Variants in PALM2AKAP2 observed in about 807,000 individuals in gnomAD.
PALM2AKAP2 encodes the protein PALM2-AKAP2 fusion protein.
In PALM2AKAP2, 37 loss-of-function variants were observed where a neutral mutation model predicts 71.5. The observed-to-expected ratio is 0.52, with a 90% CI of 0.40 to 0.68. The LOEUF (loss-of-function observed/expected upper bound fraction) is 0.68, where lower values mean the gene tolerates loss of function less well. Ranked by LOEUF, PALM2AKAP2 falls within the 30% of genes least tolerant of loss-of-function variation. The pLI is 0.00. For missense variants in PALM2AKAP2, 1,224 were observed against 1,191.8 expected (o/e 1.03, Z -0.40); for synonymous variants, 468 against 478.8 (o/e 0.98, Z 0.29).
In PALM2AKAP2 at chr9:110,120,077, TATG is replaced by T. The variant is rs982284487; in HGVS notation, c.157-16047_157-16045del. ...GCATCATTTCAGGTTGTCATGCAATTATGATAAATATCCTTTTCACAGGTTGCA... is the reference window on the plus strand; with the variant it reads ...GCATCATTTCAGGTTGTCATGCAATTATAAATATCCTTTTCACAGGTTGCA... On this transcript the variant is annotated intron_variant, in intron 1 of 3. Transcript: ENST00000374525. Among the ~76,000 whole-genome samples the T allele has an allele frequency of 4.1e-4, 62 of 152,362 alleles. 2 individuals carry two copies. The highest frequency in any genetic ancestry group is 1.3e-3 in the African/African-American group (56 of 41,578).
At chr9:110,156,075 T>C (rs1836447369) in intron 2 of PALM2AKAP2, among the ~76,000 whole-genome samples, 1 of 152,208 alleles carries the variant, frequency 6.6e-6, no homozygotes, top group Non-Finnish European at 1.5e-5. Flanking sequence ...GCAAAATGCG[T>C]GCTGTGCCTG....
chr9:109,925,038 C>T, intron 4 of PALM2AKAP2, 23 bp from the exon 5 acceptor site: 1 of 1,614,134 alleles, frequency 6.2e-7, no homozygotes, highest in Non-Finnish European at 8.5e-7. Context: ...GAGTAACGCT[C>T]TGCCTTGTTT....
intron 2 of PALM2AKAP2, among the ~76,000 whole-genome samples, chr9:110,142,223 C>T (rs944571381): frequency 6.6e-6 from 1 of 151,986 alleles, no homozygotes; most frequent in Non-Finnish European, 1.5e-5. Context: ...AGGTGTCCAT[C>T]ACCATGCCCA....
chr9:109,907,085 CTCT>C (rs766706814), intron 3 of PALM2AKAP2, among the ~76,000 whole-genome samples: 15 of 152,170 alleles, frequency 9.9e-5, no homozygotes, highest in Non-Finnish European at 1.8e-4. Context: ...GATCATTTTT[CTCT>C]TCAAGATCCT....
intron 6 of PALM2AKAP2, among the ~76,000 whole-genome samples, chr9:109,960,684 G>A (rs1831837950): frequency 6.6e-6 from 1 of 152,058 alleles, no homozygotes; most frequent in African/African-American, 2.4e-5. Flanking sequence ...GGAGAGGAGG[G>A]GACAGGAGCC....
chr9:110,152,982 G>A (rs1175972153), intron 2 of PALM2AKAP2, among the ~76,000 whole-genome samples: 1 of 152,090 alleles, frequency 6.6e-6, no homozygotes, highest in African/African-American at 2.4e-5. Flanking sequence ...CTCCTAAGGG[G>A]GTAGATAGAA....
At chr9:109,891,897 A>G (rs4978855) in intron 3 of PALM2AKAP2, among the ~76,000 whole-genome samples, 16,090 of 152,202 alleles carry the variant, frequency 0.11, 1,056 homozygotes, top group East Asian at 0.22. Flanking sequence ...AGTCCAGGTA[A>G]AACTCCCTGG....
intron 3 of PALM2AKAP2, among the ~76,000 whole-genome samples, chr9:110,163,841 A>G (rs917170143): frequency 5.3e-5 from 8 of 152,126 alleles, no homozygotes; most frequent in African/African-American, 1.7e-4. Flanking sequence ...GCTTTTATGA[A>G]TGTTATTATA....
intron 6 of PALM2AKAP2, among the ~76,000 whole-genome samples, chr9:109,984,160 A>G (rs1832330252): frequency 6.6e-6 from 1 of 152,216 alleles, no homozygotes; most frequent in Non-Finnish European, 1.5e-5. Flanking sequence ...TATATTTTTA[A>G]TAATACTATT....
intron 1 of PALM2AKAP2, among the ~76,000 whole-genome samples, chr9:110,125,857 A>G (rs557520689): frequency 2.6e-5 from 4 of 151,832 alleles, no homozygotes; most frequent in Admixed American, 1.3e-4. Flanking sequence ...TCCTGCACAT[A>G]TAGTGCAAAG....
chr9:110,102,024 G>A (rs1835012192), intron 1 of PALM2AKAP2, among the ~76,000 whole-genome samples: 1 of 152,180 alleles, frequency 6.6e-6, no homozygotes, highest in Admixed American at 6.5e-5. Context: ...GACACTCCAA[G>A]GACCACACTC....
At chr9:109,748,534 A>G (rs1019135967) in intron 1 of PALM2AKAP2, among the ~76,000 whole-genome samples, 4 of 152,228 alleles carry the variant, frequency 2.6e-5, no homozygotes, top group Non-Finnish European at 5.9e-5. Context: ...ATAATGTGTG[A>G]TGCTAACATC....
intron 1 of PALM2AKAP2, among the ~76,000 whole-genome samples, chr9:109,825,454 A>G (rs1828121277): frequency 6.6e-6 from 1 of 152,254 alleles, no homozygotes; most frequent in African/African-American, 2.4e-5. Flanking sequence ...AAATTTTTGC[A>G]GCCTACTCAT....
At chr9:110,075,100 C>A (rs1263256670) in intron 1 of PALM2AKAP2, among the ~76,000 whole-genome samples, 1 of 152,106 alleles carries the variant, frequency 6.6e-6, no homozygotes, top group Non-Finnish European at 1.5e-5. Flanking sequence ...TTTTTGTTGT[C>A]AATTGACAAT....
chr9:109,975,060 GCA>G lies in PALM2AKAP2; in HGVS notation c.497-40872_497-40871del, dbSNP rs35855395. ...GCCAAATATATATGTATCTGCACGT[GCA>G]CACACACACACACACACACACGTTT... On this transcript the variant is annotated intron_variant, in intron 6 of 9. Coordinates refer to the PALM2AKAP2 transcript ENST00000302798. 9.3e-3 allele frequency among the ~76,000 whole-genome samples: 1,384 copies of G among 148,804 alleles called. 7 individuals carry two copies. Among genetic ancestry groups the G allele is most frequent in the African/African-American group, 0.02 (832 of 40,742 alleles).
At chr9:109,831,142 TACACACAC>T (rs111681992) in intron 1 of PALM2AKAP2, among the ~76,000 whole-genome samples, 6,224 of 134,992 alleles carry the variant, frequency 0.046, 214 homozygotes, top group East Asian at 0.14. Context: ...ATACTTCCCC[TACACACAC>T]ACACACACAC....
At chr9:109,666,590 T>C (rs556686097) in intron 1 of PALM2AKAP2, among the ~76,000 whole-genome samples, 1 of 152,258 alleles carries the variant, frequency 6.6e-6, no homozygotes, top group Non-Finnish European at 1.5e-5. Flanking sequence ...CTCTCAGTTC[T>C]GGTGGGCTGA....
At chr9:109,925,178 G>A in intron 5 of PALM2AKAP2, 96 bp downstream of exon 5, 1 of 1,573,262 alleles carries the variant, frequency 6.4e-7, no homozygotes, top group Non-Finnish European at 8.7e-7. Context: ...GTACTGTGTT[G>A]ATTTGTAAAG....
At chr9:110,042,507 T>C (rs260212) in intron 7 of PALM2AKAP2, among the ~76,000 whole-genome samples, 101,716 of 152,156 alleles carry the variant, frequency 0.67, 34,569 homozygotes, top group African/African-American at 0.8. Flanking sequence ...CAGTGAGAAA[T>C]GTCTTACTTT....
Sources: gnomAD v4.1 joint callset for allele counts (sites outside exome capture counted in the v4.1 genomes callset) on GRCh38, gnomAD v4.1.1 for gene constraint, MANE v1.5 for transcripts, NCBI Gene and HGNC (gene_info 2026-07-23, HGNC 2026-07-21) for gene names.